PCDH9: variants seen among roughly 807,000 people sequenced by gnomAD.
PCDH9 encodes the protein protocadherin 9.
In PCDH9, 24 loss-of-function variants were observed where a neutral mutation model predicts 70.6. That is an observed-to-expected ratio of 0.34 (90% CI 0.25 to 0.48). The LOEUF (loss-of-function observed/expected upper bound fraction) is 0.48. PCDH9 is among the 20% of genes least tolerant of loss of function. The pLI is 0.99. For missense variants in PCDH9, 1,281 were observed against 1,503.6 expected, an observed-to-expected ratio of 0.85 and a Z score of 2.45; for synonymous variants, 562 against 558.5, an observed-to-expected ratio of 1.01 and a Z score of -0.09.
intron 2 of PCDH9, among the ~76,000 whole-genome samples, chr13:66,971,987 A>G (rs9529161): frequency 6.6e-6 from 1 of 151,866 alleles, no homozygotes; most frequent in South Asian, 2.1e-4. Flanking sequence ...TAATGTTATT[A>G]TAAATGTTGG....
At chr13:67,132,954 T>C (rs1346614493) in intron 2 of PCDH9, among the ~76,000 whole-genome samples, 3 of 152,132 alleles carry the variant, frequency 2.0e-5, no homozygotes, top group Non-Finnish European at 4.4e-5. Context: ...GAAATACTCA[T>C]TTTATGTACC....
chr13:66,964,168 T>A (rs2083394851), intron 2 of PCDH9, among the ~76,000 whole-genome samples: 1 of 152,046 alleles, frequency 6.6e-6, no homozygotes, highest in South Asian at 2.1e-4. Flanking sequence ...GTAAGCATTA[T>A]ACAGACATGT....
chr13:66,736,206 A>G (rs73208575), intron 3 of PCDH9, among the ~76,000 whole-genome samples: 12,575 of 152,010 alleles, frequency 0.083, 537 homozygotes, highest in East Asian at 0.13. Context: ...CCCCAATTGC[A>G]TATGTTGAAG....
At chr13:66,990,943 A>G (rs2083990171) in intron 2 of PCDH9, 1 of 151,876 alleles carries the variant, frequency 6.6e-6, no homozygotes. Flanking sequence ...GGACCTGGGC[A>G]TTATCTCTCA....
chr13:66,956,115 G>A (rs1329311253), intron 2 of PCDH9, among the ~76,000 whole-genome samples: 2 of 151,788 alleles, frequency 1.3e-5, no homozygotes, highest in Admixed American at 6.6e-5. Flanking sequence ...AAAACAGAGG[G>A]CTGAGCTTTG....
intron 2 of PCDH9, among the ~76,000 whole-genome samples, chr13:66,982,318 T>C (rs1277418736): frequency 6.6e-6 from 1 of 152,228 alleles, no homozygotes. Context: ...TATTTCTTTA[T>C]AGCAATGCAT....
At chr13:66,714,995 T>C (rs1593940423) in intron 3 of PCDH9, among the ~76,000 whole-genome samples, 1 of 152,294 alleles carries the variant, frequency 6.6e-6, no homozygotes, top group Non-Finnish European at 1.5e-5. Flanking sequence ...ATACTGCCTC[T>C]ACTGGAGACA....
chr13:66,754,460 T>C (rs2079510188), intron 3 of PCDH9, among the ~76,000 whole-genome samples: 1 of 152,052 alleles, frequency 6.6e-6, no homozygotes, highest in South Asian at 2.1e-4. Flanking sequence ...GGTGTGTGTG[T>C]GTGTGACATT....
At chr13:66,372,745 A>G (rs1414045694) in intron 4 of PCDH9, among the ~76,000 whole-genome samples, 1 of 151,866 alleles carries the variant, frequency 6.6e-6, no homozygotes, top group Admixed American at 6.6e-5. Flanking sequence ...TATAAGCATG[A>G]TAGCATCAGA....
chr13:66,832,230 T>C (rs2080940055), intron 3 of PCDH9, among the ~76,000 whole-genome samples: 1 of 152,124 alleles, frequency 6.6e-6, no homozygotes, highest in Admixed American at 6.5e-5. Flanking sequence ...AGAACTGGAA[T>C]TTATAATAAA....
intron 3 of PCDH9, among the ~76,000 whole-genome samples, chr13:66,813,648 A>G (rs2139366245): frequency 6.6e-6 from 1 of 152,258 alleles, no homozygotes; most frequent in African/African-American, 2.4e-5. Flanking sequence ...TAATGTATTT[A>G]TTTCATGGTG....
chr13:66,549,656 T>A (rs1016439188), intron 4 of PCDH9, among the ~76,000 whole-genome samples: 8 of 152,170 alleles, frequency 5.3e-5, no homozygotes, highest in African/African-American at 1.9e-4. Context: ...GAATCAAAAA[T>A]TTGATCTAAA....
At chr13:67,167,006 G>C (rs2088136688) in intron 2 of PCDH9, among the ~76,000 whole-genome samples, 1 of 152,156 alleles carries the variant, frequency 6.6e-6, no homozygotes, top group Non-Finnish European at 1.5e-5. Context: ...CTGACTTCTT[G>C]TTCTACAACG....
intron 2 of PCDH9, among the ~76,000 whole-genome samples, chr13:67,135,654 T>C (rs930094240): frequency 6.6e-6 from 1 of 152,104 alleles, no homozygotes; most frequent in Non-Finnish European, 1.5e-5. Flanking sequence ...GAGGAGAAGA[T>C]GTCAACAAGA....
chr13:67,001,557 A>T (rs146609881), intron 2 of PCDH9, among the ~76,000 whole-genome samples: 114 of 151,950 alleles, frequency 7.5e-4, no homozygotes, highest in African/African-American at 2.7e-3. Flanking sequence ...CCTAGGAGAG[A>T]ATGTCAATCC....
chr13:66,958,308 T>C (rs2083294279), intron 2 of PCDH9, among the ~76,000 whole-genome samples: 1 of 152,178 alleles, frequency 6.6e-6, no homozygotes, highest in Non-Finnish European at 1.5e-5. Context: ...AAACACGGAA[T>C]TCTATGACTA....
intron 2 of PCDH9, among the ~76,000 whole-genome samples, chr13:67,159,037 A>C (rs781141348): frequency 6.6e-6 from 1 of 152,166 alleles, no homozygotes; most frequent in Non-Finnish European, 1.5e-5. Flanking sequence ...ACTATCTTTA[A>C]TCTTCAAAAG....
intron 4 of PCDH9, among the ~76,000 whole-genome samples, chr13:66,338,343 G>A (rs1323170345): frequency 6.6e-6 from 1 of 151,930 alleles, no homozygotes; most frequent in Non-Finnish European, 1.5e-5. Context: ...ACATAATTTA[G>A]CTTAGTATCC....
Position 66,972,523 on chromosome 13 carries a change from C to T in PCDH9, c.3037-68918G>A, listed in dbSNP as rs536959605. Among the ~76,000 whole-genome samples, 11 of 151,942 alleles carry T rather than the reference C, an allele frequency of 7.2e-5. No individual in the cohort carries two copies. In the East Asian group the frequency reaches 1.2e-3, roughly 16 times the overall value. On this transcript the variant is annotated intron_variant, in intron 2 of 4. Coordinates refer to ENST00000377865, the MANE Select transcript of PCDH9 (RefSeq NM_203487.3). ...GCAAATTATGTGTTTTCAGTCATTC[C>T]TCTCCTTAATAAATGACTTTTGCTA...
Sources: gnomAD v4.1 joint callset for allele counts (sites outside exome capture counted in the v4.1 genomes callset) on GRCh38, gnomAD v4.1.1 for gene constraint, MANE v1.5 for transcripts, NCBI Gene and HGNC (gene_info 2026-07-23, HGNC 2026-07-21) for gene names.